Variants in TSNARE1 observed in about 807,000 individuals in gnomAD.
TSNARE1 encodes the protein t-SNARE domain-containing protein 1.
In TSNARE1, 49 loss-of-function variants were observed where a neutral mutation model predicts 62.0. The ratio of observed to expected loss-of-function variants is 0.79; its 90% CI spans 0.63 to 1.00. The LOEUF (loss-of-function observed/expected upper bound fraction) is 1.00, where lower values mean the gene tolerates loss of function less well. Among genes scored for constraint, TSNARE1 ranks in the 50% least tolerant of loss-of-function variants. The pLI is 0.00. For synonymous variants in TSNARE1, 328 were observed against 294.4 expected, an observed-to-expected ratio of 1.11 and a Z score of -1.17; for missense variants, 755 against 700.1, an observed-to-expected ratio of 1.08 and a Z score of -0.88.
At chr8:142,241,299 T>C (rs530089544) in intron 12 of TSNARE1, among the ~76,000 whole-genome samples, 17 of 152,174 alleles carry the variant, frequency 1.1e-4, no homozygotes, top group Admixed American at 2.6e-4. Flanking sequence ...AGGAGTACAT[T>C]TAAGGAAGGG....
intron 10 of TSNARE1, among the ~76,000 whole-genome samples, chr8:142,285,325 T>TGG (rs1822527060): frequency 1.4e-5 from 2 of 144,478 alleles, no homozygotes; most frequent in South Asian, 2.2e-4. Context: ...GGTAGGTGGA[T>TGG]AGGTGGTTGG....
chr8:142,328,548 C>G (rs566879710), intron 6 of TSNARE1, among the ~76,000 whole-genome samples: 2 of 152,238 alleles, frequency 1.3e-5, no homozygotes, highest in African/African-American at 4.8e-5. Flanking sequence ...TAACAGGCAG[C>G]ACCCCTTCTG....
In TSNARE1 at chr8:142,282,526, G is replaced by A. The variant is rs899609559; in HGVS notation, c.1363+1887C>T. ...GTGTCTGCCAACGAGCAGAGGCGGG[G>A]TCAGTGTCTGCCAATGAGCAGAGGC... On this transcript the variant is annotated intron_variant, in intron 11 of 13. Coordinates refer to ENST00000524325, the MANE Select transcript of TSNARE1 (RefSeq NM_145003.5). Among the ~76,000 whole-genome samples, 26 of 151,384 alleles carry A rather than the reference G, an allele frequency of 1.7e-4. 1 individual carries two copies. The highest frequency in any genetic ancestry group is 3.9e-4 in the East Asian group (2 of 5,172).
intron 12 of TSNARE1, among the ~76,000 whole-genome samples, chr8:142,268,613 T>C (rs1265900660): frequency 6.6e-6 from 1 of 151,002 alleles, no homozygotes; most frequent in African/African-American, 2.4e-5. Flanking sequence ...AAATCCTGAT[T>C]TGGGGCTGAA....
intron 12 of TSNARE1, among the ~76,000 whole-genome samples, chr8:142,231,545 G>A (rs1031611157): frequency 7.9e-5 from 12 of 152,196 alleles, no homozygotes; most frequent in African/African-American, 1.2e-4. Flanking sequence ...AGGACAAGGC[G>A]CACTGAATTA....
At chr8:142,292,805 C>T (rs1824022810) in intron 10 of TSNARE1, among the ~76,000 whole-genome samples, 1 of 152,116 alleles carries the variant, frequency 6.6e-6, no homozygotes, top group Non-Finnish European at 1.5e-5. Context: ...TTTCAGAGCC[C>T]CAAACAGTTC....
At chr8:142,264,774 G>A (rs1344448192) in intron 12 of TSNARE1, among the ~76,000 whole-genome samples, 1 of 152,040 alleles carries the variant, frequency 6.6e-6, no homozygotes, top group Non-Finnish European at 1.5e-5. Context: ...TCCTTCCAAT[G>A]CCCCTTTGGT....
chr8:142,284,273 T>A (rs1822305939), intron 11 of TSNARE1, 140 bp downstream of exon 11: 2 of 660,266 alleles, frequency 3.0e-6, no homozygotes, highest in Non-Finnish European at 5.3e-6. Context: ...AGGGAGCAGA[T>A]GCTCAGACCT....
chr8:142,271,323 G>T, intron 12 of TSNARE1: 1 of 1,140,872 alleles, frequency 8.8e-7, no homozygotes. Flanking sequence ...TCGGCCAGCC[G>T]CTGCAGCAGC....
chr8:142,238,303 T>C (rs889209593), intron 12 of TSNARE1, among the ~76,000 whole-genome samples: 17 of 152,008 alleles, frequency 1.1e-4, no homozygotes, highest in Non-Finnish European at 2.2e-4. Flanking sequence ...TCCTCCTGGC[T>C]CCTGGGCCAC....
At chr8:142,364,849 A>G (rs1033718320) in intron 1 of TSNARE1, among the ~76,000 whole-genome samples, 2 of 152,206 alleles carry the variant, frequency 1.3e-5, no homozygotes, top group Non-Finnish European at 2.9e-5. Context: ...GAATAAGTAG[A>G]AAAAAACAAG....
intron 11 of TSNARE1, chr8:142,280,075 C>G (rs1375888677): frequency 1.6e-6 from 2 of 1,217,736 alleles, no homozygotes; most frequent in Admixed American, 3.3e-5. Context: ...CTGCAGGATG[C>G]GGCTCCACAC....
chr8:142,380,659 A>G (rs971815946), intron 1 of TSNARE1, among the ~76,000 whole-genome samples: 3 of 152,244 alleles, frequency 2.0e-5, no homozygotes, highest in African/African-American at 7.2e-5. Flanking sequence ...CCTCACGGGG[A>G]AACAGCAAGT....
At chr8:142,371,739 T>TA (rs1450749212) in intron 1 of TSNARE1, among the ~76,000 whole-genome samples, 5 of 152,162 alleles carry the variant, frequency 3.3e-5, no homozygotes, top group Admixed American at 2.6e-4. Flanking sequence ...ATGTGTCTCT[T>TA]ACCATACGTG....
In TSNARE1 at chr8:142,284,395, G is replaced by A. The variant is rs374492035; in HGVS notation, c.1363+18C>T. 4.3e-6 allele frequency: 7 copies of A among 1,609,246 alleles called. No individual in the cohort carries two copies. The highest frequency in any genetic ancestry group is 2.7e-5 in the African/African-American group (2 of 74,872). On this transcript the variant is annotated intron_variant, in intron 11 of 13. Coordinates refer to ENST00000524325, the MANE Select transcript of TSNARE1 (RefSeq NM_145003.5). ...CCCTCGGGGCAGCAGGTGGCCCGAG[G>A]CTGGGGCGGGTACCCACCAACAGCT...
intron 1 of TSNARE1, among the ~76,000 whole-genome samples, chr8:142,372,466 G>A (rs1471556683): frequency 6.6e-6 from 1 of 152,228 alleles, no homozygotes; most frequent in African/African-American, 2.4e-5. Context: ...CTCTTTAAGA[G>A]TGGGCACACT....
intron 12 of TSNARE1, among the ~76,000 whole-genome samples, chr8:142,256,560 C>T (rs111390882): frequency 0.62 from 62,098 of 99,896 alleles, 15,592 homozygotes; most frequent in African/African-American, 0.74. Context: ...ACCATCACCA[C>T]CATCACCATC....
intron 12 of TSNARE1, among the ~76,000 whole-genome samples, chr8:142,245,898 G>A (rs1817864365): frequency 6.6e-6 from 1 of 152,166 alleles, no homozygotes. Flanking sequence ...TAACAGATCA[G>A]GAAAAGCTCA....
chr8:142,270,085 G>A (rs2130470557), intron 12 of TSNARE1: 1 of 985,464 alleles, frequency 1.0e-6, no homozygotes, highest in East Asian at 1.1e-4. Context: ...ATGGGAGCCA[G>A]GCAGAGGCCC....
Sources: gnomAD v4.1 joint callset for allele counts (sites outside exome capture counted in the v4.1 genomes callset) on GRCh38, gnomAD v4.1.1 for gene constraint, MANE v1.5 for transcripts, NCBI Gene and HGNC (gene_info 2026-07-23, HGNC 2026-07-21) for gene names.